The following KIAA0586 variants were observed in gnomAD, a reference collection of about 807,000 sequenced individuals.
KIAA0586 encodes the protein protein TALPID3.
Under a neutral mutation model 169.8 loss-of-function variants are expected in KIAA0586, and 144 were observed. That is an observed-to-expected ratio of 0.85 (90% CI 0.74 to 0.97). KIAA0586 has a LOEUF of 0.97. Among genes scored for constraint, KIAA0586 ranks in the 50% least tolerant of loss-of-function variants. The pLI, the probability that KIAA0586 is intolerant of heterozygous loss-of-function variation, is 0.00. For missense variants in KIAA0586, 1,854 were observed against 1,823.0 expected, an observed-to-expected ratio of 1.02 and a Z score of -0.31; for synonymous variants, 625 against 612.4, an observed-to-expected ratio of 1.02 and a Z score of -0.30.
chr14:58,484,953 A>G (rs2042340519), intron 21 of KIAA0586, among the ~76,000 whole-genome samples: 1 of 13,630 alleles, frequency 7.3e-5, no homozygotes. Flanking sequence ...TTTTTTTTTG[A>G]GATGGAGTTT....
chr14:58,539,827 C>G (rs533403725), intron 29 of KIAA0586: 15 of 304,230 alleles, frequency 4.9e-5, no homozygotes, highest in African/African-American at 2.8e-4. Context: ...TTTGCTTCCC[C>G]CCCCCATCTG....
At chr14:58,459,167 T>C (rs2140863998) in intron 12 of KIAA0586, among the ~76,000 whole-genome samples, 1 of 152,328 alleles carries the variant, frequency 6.6e-6, no homozygotes, top group East Asian at 1.9e-4. Context: ...TAGATGTGCT[T>C]ATATGCTACT....
chr14:58,490,779 C>A (rs1434637266), intron 25 of KIAA0586, among the ~76,000 whole-genome samples: 3 of 151,860 alleles, frequency 2.0e-5, no homozygotes, highest in African/African-American at 7.3e-5. Flanking sequence ...TAAGAATTTT[C>A]TTTTGAAAAA....
At chr14:58,431,707 G>A (rs2037389778) in intron 3 of KIAA0586, among the ~76,000 whole-genome samples, 1 of 152,174 alleles carries the variant, frequency 6.6e-6, no homozygotes, top group Non-Finnish European at 1.5e-5. Context: ...CATGAGCATG[G>A]AATGTTTTCC....
Position 58,487,910 on chromosome 14 carries a change from C to G in KIAA0586, c.3328C>G (p.Leu1110Val). The stretch of plus-strand genomic sequence containing the variant: ...AGGAGATGATATGCCTGCCATCATG[C>G]TTGTTAATACTCCAACAGTTACCCC... ...EKGDDMPAIM[L>V]VNTPTVTPTT... Residue 1110 changes from leucine (L) to valine (V), a missense_variant, in exon 23 of 31, where the codon CTT (leucine) becomes GTT (valine). Leu to Val is a conservative substitution (Grantham distance 32). Coordinates refer to ENST00000652326, the MANE Select transcript of KIAA0586 (RefSeq NM_001329943.3). 1 of 1,613,250 alleles carries G rather than the reference C, an allele frequency of 6.2e-7. No individual in the cohort carries two copies. The highest frequency in any genetic ancestry group is 2.2e-5 in the East Asian group (1 of 44,822).
intron 21 of KIAA0586, among the ~76,000 whole-genome samples, chr14:58,484,275 T>G (rs1007614069): frequency 6.6e-6 from 1 of 152,210 alleles, no homozygotes; most frequent in Non-Finnish European, 1.5e-5. Context: ...CAACTTATCA[T>G]TCTTTATCTT....
intron 30 of KIAA0586, among the ~76,000 whole-genome samples, chr14:58,544,782 A>C (rs933799281): frequency 1.3e-5 from 2 of 152,338 alleles, no homozygotes; most frequent in South Asian, 4.1e-4. Context: ...CCTGTGGTCA[A>C]AATTTTTTGT....
chr14:58,436,657 G>C (rs1566779996), intron 4 of KIAA0586, among the ~76,000 whole-genome samples: 1 of 152,088 alleles, frequency 6.6e-6, no homozygotes, highest in Non-Finnish European at 1.5e-5. Context: ...GTGCCTGTGT[G>C]TATACTGTAT....
intron 20 of KIAA0586, 73 bp downstream of exon 20, chr14:58,477,314 C>G: frequency 1.3e-6 from 1 of 766,836 alleles, no homozygotes; most frequent in East Asian, 2.7e-5. Flanking sequence ...TTTATATATT[C>G]CAGAGGTCAA....
rs1748983 is a variant in KIAA0586, at chr14:58,463,227, C to G, written c.2059+2067C>G. ...TCAAAGAATTATCTCCTGTTCCTCT[C>G]CATCTCCTCACTCTGCCATATTGTT... On this transcript the variant is annotated intron_variant, in intron 14 of 30. Coordinates refer to ENST00000652326, the MANE Select transcript of KIAA0586 (RefSeq NM_001329943.3). Among the ~76,000 whole-genome samples, 7 of 152,138 alleles carry G rather than the reference C, an allele frequency of 4.6e-5. 1 individual carries two copies. In the South Asian group the frequency reaches 6.2e-4, roughly 14 times the overall value.
chr14:58,447,779 C>A (rs1248888478), intron 6 of KIAA0586, among the ~76,000 whole-genome samples: 1 of 152,124 alleles, frequency 6.6e-6, no homozygotes, highest in Non-Finnish European at 1.5e-5. Flanking sequence ...CTGCACCGGG[C>A]CCCATTTCAG....
intron 15 of KIAA0586, among the ~76,000 whole-genome samples, chr14:58,466,410 A>G (rs899299589): frequency 6.6e-6 from 1 of 152,150 alleles, no homozygotes; most frequent in African/African-American, 2.4e-5. Flanking sequence ...TTCTTTTGGT[A>G]TGTTATATTA....
In KIAA0586 at chr14:58,465,976, C is replaced by G. The variant is rs372160214; in HGVS notation, c.2201C>G (p.Pro734Arg). ...TTGTTCAGCCCAAGTAGAGAAATGCCTACTTTTTCAGGTACATTGGAAGGT... is the reference window on the plus strand; with the variant it reads ...TTGTTCAGCCCAAGTAGAGAAATGCGTACTTTTTCAGGTACATTGGAAGGT... ...QYLFSPSREM[P>R]TFSGTLEGHL... is the part of the protein sequence containing the mutation. Residue 734 changes from proline to arginine, a missense_variant, in exon 15 of 31, where the codon CCT becomes CGT. Pro to Arg is a moderately radical substitution (Grantham distance 103, BLOSUM62 -2). Coordinates refer to ENST00000652326, the MANE Select transcript of KIAA0586 (RefSeq NM_001329943.3). 3.5e-5 allele frequency: 57 copies of G among 1,613,276 alleles called. No homozygotes were observed. The highest frequency in any genetic ancestry group is 1.3e-5 in the African/African-American group (1 of 74,876).
intron 21 of KIAA0586, among the ~76,000 whole-genome samples, chr14:58,485,336 GA>G (rs1281737564): frequency 3.3e-5 from 5 of 151,734 alleles, no homozygotes; most frequent in African/African-American, 1.2e-4. Flanking sequence ...TAGATAATAA[GA>G]AAAAAAGTTA....
At chr14:58,543,475 G>C (rs2046790604) in intron 30 of KIAA0586, among the ~76,000 whole-genome samples, 1 of 152,280 alleles carries the variant, frequency 6.6e-6, no homozygotes, top group East Asian at 1.9e-4. Context: ...GATGAGCTCA[G>C]CTCTGCCCTG....
intron 27 of KIAA0586, among the ~76,000 whole-genome samples, chr14:58,507,165 G>GTA (rs35984192): frequency 0.89 from 124,001 of 139,118 alleles, 55,425 homozygotes; most frequent in East Asian, 0.96. Context: ...AAAAAAAAGT[G>GTA]TATATATATA....
chr14:58,543,812 TC>T (rs1306784555), intron 30 of KIAA0586: 1 of 428,414 alleles, frequency 2.3e-6, no homozygotes, highest in East Asian at 7.1e-5. Context: ...TAGATCCGTC[TC>T]CCGTCTCTCT....
At position 58,487,983 on chromosome 14, in the gene KIAA0586, C is replaced by T; in HGVS notation, c.3401C>T (p.Ser1134Leu). 4 of 1,613,338 alleles carry T rather than the reference C, an allele frequency of 2.5e-6. No individual in the cohort carries two copies. Among genetic ancestry groups the T allele is most frequent in the Non-Finnish European group, 3.4e-6 (4 of 1,179,658 alleles). Residue 1134 changes from serine (S) to leucine (L), a missense_variant, in exon 23 of 31, where the codon TCA becomes TTA. By Grantham distance (145) the Ser-to-Leu change is moderately radical. Coordinates refer to ENST00000652326, the MANE Select transcript of KIAA0586 (RefSeq NM_001329943.3). ...GCGGCAGTTTTTACCCCAACTTTGT[C>T]AGATATTTCCATTGATAAATTGAAG... ...PAAAVFTPTL[S>L]DISIDKLKVS...
chr14:58,483,357 A>G (rs2042165473), intron 21 of KIAA0586, among the ~76,000 whole-genome samples: 3 of 152,214 alleles, frequency 2.0e-5, no homozygotes. Flanking sequence ...TATATCTGCT[A>G]TATATTATAT....
Sources: gnomAD v4.1 joint callset for allele counts (sites outside exome capture counted in the v4.1 genomes callset) on GRCh38, gnomAD v4.1.1 for gene constraint, MANE v1.5 for transcripts, NCBI Gene and HGNC (gene_info 2026-07-23, HGNC 2026-07-21) for gene names.